Variants in FRAS1 observed in about 807,000 individuals in gnomAD.
The protein encoded by FRAS1 is Fraser extracellular matrix complex subunit 1.
A neutral mutation model predicts 435.2 loss-of-function variants in FRAS1; 290 were observed. The observed-to-expected ratio is 0.67, with a 90% CI of 0.61 to 0.73. FRAS1 has a LOEUF of 0.73. FRAS1 is among the 30% of genes least tolerant of loss of function. The pLI is 0.00. For missense variants in FRAS1, 4,860 were observed against 5,001.5 expected (o/e 0.97, Z 0.85); for synonymous variants, 1,800 against 1,851.0 (o/e 0.97, Z 0.71).
chr4:78,138,514 T>C (rs1720023494), intron 2 of FRAS1, among the ~76,000 whole-genome samples: 1 of 152,216 alleles, frequency 6.6e-6, no homozygotes, highest in Non-Finnish European at 1.5e-5. Context: ...CTTAACTATA[T>C]ATTATTGCTG....
chr4:78,331,708 C>T (rs545478978), intron 18 of FRAS1, among the ~76,000 whole-genome samples: 9 of 152,016 alleles, frequency 5.9e-5, no homozygotes, highest in African/African-American at 2.2e-4. Context: ...CAGAAGATGG[C>T]CTGAAATGCA....
At chr4:78,427,527 A>G (rs562673252) in intron 35 of FRAS1, among the ~76,000 whole-genome samples, 1 of 152,374 alleles carries the variant, frequency 6.6e-6, no homozygotes, top group East Asian at 1.9e-4. Context: ...GAGACATCAG[A>G]GCATCCTGAA....
chr4:78,259,993 G>T (rs1254340130), intron 6 of FRAS1, among the ~76,000 whole-genome samples: 1 of 152,048 alleles, frequency 6.6e-6, no homozygotes, highest in Admixed American at 6.6e-5. Context: ...GTTTTTCTCA[G>T]GTTTGTCAAA....
intron 14 of FRAS1, among the ~76,000 whole-genome samples, chr4:78,307,687 T>C (rs796238298): frequency 2.0e-5 from 3 of 152,344 alleles, no homozygotes; most frequent in African/African-American, 7.2e-5. Flanking sequence ...GCTTCCCAGG[T>C]GAGGCAATGC....
intron 43 of FRAS1, among the ~76,000 whole-genome samples, chr4:78,447,303 A>C (rs1718876005): frequency 6.8e-6 from 1 of 147,636 alleles, no homozygotes. Context: ...AAAAAAAAAA[A>C]ACACTTTTCC....
intron 36 of FRAS1, 91 bp downstream of exon 36, chr4:78,429,317 C>A: frequency 1.4e-6 from 2 of 1,448,868 alleles, no homozygotes; most frequent in Non-Finnish European, 1.8e-6. Context: ...GCCAAAAAAG[C>A]AAACTCTTCT....
chr4:78,146,523 A>G (rs1043143121), intron 2 of FRAS1, among the ~76,000 whole-genome samples: 2 of 152,120 alleles, frequency 1.3e-5, no homozygotes, highest in Non-Finnish European at 2.9e-5. Context: ...ATACCCCAAA[A>G]CATAGCGAGA....
rs561132677 is a variant in FRAS1, at chr4:78,346,914, T to C, written c.2422+9097T>C. 7.9e-5 allele frequency among the ~76,000 whole-genome samples: 12 copies of C among 152,276 alleles called. No individual in the cohort carries two copies. The East Asian group carries it at 2.3e-3, about 29-fold the overall frequency. On this transcript the variant is annotated intron_variant, in intron 20 of 73. Coordinates refer to ENST00000512123, the MANE Select transcript of FRAS1 (RefSeq NM_025074.7). Reference sequence around the variant, plus strand: ...TCCCTCCTTTTCTCTTCATTTTTCCTGCTCCTCTTCCTCTCCCATCTTCTT... The same window carrying C: ...TCCCTCCTTTTCTCTTCATTTTTCCCGCTCCTCTTCCTCTCCCATCTTCTT...
At chr4:78,327,891 A>C (rs981068398) in intron 18 of FRAS1, among the ~76,000 whole-genome samples, 20 of 152,192 alleles carry the variant, frequency 1.3e-4, no homozygotes, top group African/African-American at 4.8e-4. Context: ...AAGGATGCAG[A>C]TGTTAACACC....
At chr4:78,254,215 T>C (rs1347350937) in intron 5 of FRAS1, among the ~76,000 whole-genome samples, 1 of 152,212 alleles carries the variant, frequency 6.6e-6, no homozygotes, top group Non-Finnish European at 1.5e-5. Context: ...GTATACCGTA[T>C]AATAAATAGG....
At chr4:78,520,330 T>C (rs1721349357) in intron 67 of FRAS1, among the ~76,000 whole-genome samples, 1 of 151,582 alleles carries the variant, frequency 6.6e-6, no homozygotes, top group South Asian at 2.1e-4. Flanking sequence ...CAAACCCATT[T>C]CCCCTAAATT....
At chr4:78,105,694 C>T (rs1038096347) in intron 2 of FRAS1, among the ~76,000 whole-genome samples, 1 of 152,036 alleles carries the variant, frequency 6.6e-6, no homozygotes, top group African/African-American at 2.4e-5. Flanking sequence ...AGAAATGTGA[C>T]AATATATAAT....
Position 78,363,981 on chromosome 4 carries a change from G to A in FRAS1, c.2649G>A (p.Val883=). Residue 883 remains valine, a synonymous_variant, in exon 22 of 74, where the codon GTG becomes GTA. Coordinates refer to ENST00000512123, the MANE Select transcript of FRAS1 (RefSeq NM_025074.7). ...GCTCCTCATGTGACACCAACCTCGT[G>A]CTGTCCCACACTGGCACCTGCAGCA... The part of the protein sequence containing the change: ...FSCSSCDTNL[V]LSHTGTCSTT... The A allele has an allele frequency of 6.2e-7, 1 of 1,612,060 alleles. No homozygotes were observed. Among genetic ancestry groups the A allele is most frequent in the Middle Eastern group, 1.7e-4 (1 of 6,058 alleles).
At chr4:78,431,369 T>A (rs1734212572) in intron 37 of FRAS1, among the ~76,000 whole-genome samples, 1 of 152,254 alleles carries the variant, frequency 6.6e-6, no homozygotes, top group Non-Finnish European at 1.5e-5. Flanking sequence ...ACTCTGTATA[T>A]GTGCAGTTAA....
intron 20 of FRAS1, among the ~76,000 whole-genome samples, chr4:78,344,731 T>C (rs767873302): frequency 6.6e-6 from 1 of 152,210 alleles, no homozygotes; most frequent in Non-Finnish European, 1.5e-5. Context: ...CTGTTTTAAA[T>C]GCTAAGGAAG....
intron 13 of FRAS1, 83 bp downstream of exon 13, chr4:78,284,631 C>G: frequency 7.6e-7 from 1 of 1,316,302 alleles, no homozygotes. Context: ...AACTGAGGCT[C>G]AGTATTGTCA....
chr4:78,199,915 T>C (rs1167738257), intron 2 of FRAS1, among the ~76,000 whole-genome samples: 1 of 152,238 alleles, frequency 6.6e-6, no homozygotes, highest in Non-Finnish European at 1.5e-5. Flanking sequence ...TGAATAAAAA[T>C]CATAAAAGTA....
chr4:78,222,744 C>T (rs1440279996), intron 2 of FRAS1, among the ~76,000 whole-genome samples: 1 of 152,202 alleles, frequency 6.6e-6, no homozygotes, highest in African/African-American at 2.4e-5. Flanking sequence ...TCCCTTTCAT[C>T]TTATCATTGT....
chr4:78,072,942 A>T (rs1282593241), intron 2 of FRAS1, among the ~76,000 whole-genome samples: 2 of 152,036 alleles, frequency 1.3e-5, no homozygotes, highest in Non-Finnish European at 2.9e-5. Flanking sequence ...GGCTTTTCTG[A>T]TTTGGGTTCT....
Sources: gnomAD v4.1 joint callset for allele counts (sites outside exome capture counted in the v4.1 genomes callset) on GRCh38, gnomAD v4.1.1 for gene constraint, MANE v1.5 for transcripts, NCBI Gene and HGNC (gene_info 2026-07-23, HGNC 2026-07-21) for gene names.